PCCA: variants seen among roughly 807,000 people sequenced by gnomAD.
PCCA encodes the protein propionyl-CoA carboxylase subunit alpha.
A neutral mutation model predicts 101.3 loss-of-function variants in PCCA; 74 were observed. The ratio of observed to expected loss-of-function variants is 0.73; its 90% CI spans 0.61 to 0.89. The LOEUF (loss-of-function observed/expected upper bound fraction) is 0.89. PCCA is among the 40% of genes least tolerant of loss of function. The pLI is 0.00. For synonymous variants in PCCA, 294 were observed against 313.6 expected, an observed-to-expected ratio of 0.94 and a Z score of 0.66; for missense variants, 891 against 907.0, an observed-to-expected ratio of 0.98 and a Z score of 0.23.
At chr13:100,263,898 G>T (rs9554674) in intron 10 of PCCA, among the ~76,000 whole-genome samples, 1 of 142,432 alleles carries the variant, frequency 7.0e-6, no homozygotes, top group Non-Finnish European at 1.5e-5. Context: ...GTATGTCATA[G>T]ATACAGTATC....
chr13:100,272,789 G>T (rs1478651109), intron 11 of PCCA, among the ~76,000 whole-genome samples: 3 of 152,264 alleles, frequency 2.0e-5, no homozygotes, highest in East Asian at 1.9e-4. Context: ...CAAGTAGGCA[G>T]ATTTGTAAAT....
chr13:100,468,493 C>T (rs2082712191), intron 21 of PCCA, among the ~76,000 whole-genome samples: 1 of 152,204 alleles, frequency 6.6e-6, no homozygotes. Context: ...CTTAACTAGA[C>T]CTTCTGCGTG....
chr13:100,117,669 T>A (rs918176230), intron 4 of PCCA, among the ~76,000 whole-genome samples: 2 of 152,180 alleles, frequency 1.3e-5, no homozygotes, highest in African/African-American at 4.8e-5. Context: ...AAATACCTAA[T>A]GTAAATGACG....
chr13:100,302,661 A>G (rs1399198449), intron 13 of PCCA, among the ~76,000 whole-genome samples: 1 of 152,122 alleles, frequency 6.6e-6, no homozygotes, highest in Non-Finnish European at 1.5e-5. Context: ...CATTCTAAGA[A>G]GTTTTATAAA....
intron 21 of PCCA, among the ~76,000 whole-genome samples, chr13:100,458,673 A>G (rs1187036730): frequency 1.3e-5 from 2 of 152,168 alleles, no homozygotes; most frequent in African/African-American, 4.8e-5. Flanking sequence ...AATTAAAATA[A>G]GATTGTTAGC....
chr13:100,279,941 A>G (rs2063953563), intron 12 of PCCA, among the ~76,000 whole-genome samples: 1 of 142,794 alleles, frequency 7.0e-6, no homozygotes, highest in Admixed American at 6.9e-5. Context: ...TTCTTTTTTT[A>G]TTTTCTTTGA....
chr13:100,516,926 A>C (rs1029007764), intron 22 of PCCA, among the ~76,000 whole-genome samples: 2 of 152,046 alleles, frequency 1.3e-5, no homozygotes, highest in African/African-American at 4.8e-5. Flanking sequence ...TAAACAATAT[A>C]AGGGTTTTGT....
intron 16 of PCCA, among the ~76,000 whole-genome samples, chr13:100,320,070 T>C (rs954852630): frequency 3.3e-5 from 5 of 152,324 alleles, no homozygotes; most frequent in African/African-American, 1.2e-4. Context: ...TCCTAGGTAT[T>C]TTATTCTCTT....
At chr13:100,506,373 G>A (rs1267356432) in intron 21 of PCCA, among the ~76,000 whole-genome samples, 4 of 149,878 alleles carry the variant, frequency 2.7e-5, no homozygotes, top group African/African-American at 4.9e-5. Flanking sequence ...AGAAACCTTC[G>A]CGGGCGGGGG....
chr13:100,166,080 A>G (rs1034490190), intron 6 of PCCA, among the ~76,000 whole-genome samples: 18 of 152,176 alleles, frequency 1.2e-4, no homozygotes, highest in Admixed American at 1.3e-4. Flanking sequence ...TGTATCCTTC[A>G]ACTCCAAAGA....
At chr13:100,121,175 TTTA>T (rs71903241) in intron 4 of PCCA, among the ~76,000 whole-genome samples, 30,002 of 104,558 alleles carry the variant, frequency 0.29, 3,957 homozygotes, top group East Asian at 0.61. Context: ...TTTTTTTTTT[TTTA>T]AAGATGGAGT....
intron 18 of PCCA, among the ~76,000 whole-genome samples, chr13:100,348,431 C>G (rs1290033649): frequency 6.6e-6 from 1 of 152,134 alleles, no homozygotes; most frequent in Non-Finnish European, 1.5e-5. Flanking sequence ...CTTTTTCTGA[C>G]TTACCATGAA....
At chr13:100,253,505 T>C (rs1245429853) in intron 8 of PCCA, among the ~76,000 whole-genome samples, 1 of 152,178 alleles carries the variant, frequency 6.6e-6, no homozygotes, top group Non-Finnish European at 1.5e-5. Context: ...CACTGGTAGC[T>C]GGGAGGTGAG....
intron 16 of PCCA, among the ~76,000 whole-genome samples, chr13:100,321,957 C>G (rs2068094829): frequency 6.6e-6 from 1 of 152,070 alleles, no homozygotes; most frequent in African/African-American, 2.4e-5. Flanking sequence ...CATTGGCTAG[C>G]TTAGAGATGG....
chr13:100,416,660 G>A (rs1455996434), intron 19 of PCCA, among the ~76,000 whole-genome samples: 1 of 151,770 alleles, frequency 6.6e-6, no homozygotes, highest in Non-Finnish European at 1.5e-5. Flanking sequence ...GAGTAACTGG[G>A]ATTACAGACA....
chr13:100,528,918 C>T (rs375646764), intron 23 of PCCA, among the ~76,000 whole-genome samples: 6 of 152,126 alleles, frequency 3.9e-5, no homozygotes, highest in Non-Finnish European at 8.8e-5. Context: ...AACGTGTGTC[C>T]GCCGCATGCC....
intron 11 of PCCA, among the ~76,000 whole-genome samples, chr13:100,270,315 G>C (rs191913134): frequency 4.9e-4 from 74 of 152,338 alleles, no homozygotes; most frequent in Non-Finnish European, 8.1e-4. Flanking sequence ...AACTAGTACT[G>C]TAGTACTGTA....
At chr13:100,158,785 C>T (rs1047889848) in intron 6 of PCCA, among the ~76,000 whole-genome samples, 2 of 152,084 alleles carry the variant, frequency 1.3e-5, no homozygotes, top group Admixed American at 1.3e-4. Context: ...CAGCCATGCT[C>T]TTTCATTTAT....
At chr13:100,451,708 CCTCTCTCCTCT>C (rs1239265249) in intron 21 of PCCA, among the ~76,000 whole-genome samples, 16 of 86,122 alleles carry the variant, frequency 1.9e-4, no homozygotes, top group African/African-American at 6.9e-4. Context: ...CCCCTCCTCT[CCTCTCTCCTCT>C]CTCTCTCTCT....
Sources: allele counts gnomAD v4.1 joint callset (sites outside exome capture counted in the v4.1 genomes callset), GRCh38; gene constraint gnomAD v4.1.1; transcripts MANE v1.5; gene names NCBI Gene and HGNC (gene_info 2026-07-23, HGNC 2026-07-21).